Variants in PTCHD4 observed in about 807,000 individuals in gnomAD.
PTCHD4 encodes patched domain containing 4.
A neutral mutation model predicts 58.1 loss-of-function variants in PTCHD4; 33 were observed. That is an observed-to-expected ratio of 0.57 (90% CI 0.43 to 0.76). The LOEUF is 0.76. PTCHD4 is among the 30% of genes least tolerant of loss of function. The pLI is 0.00. For missense variants in PTCHD4, 1,058 were observed against 1,027.1 expected, an observed-to-expected ratio of 1.03 and a Z score of -0.41; for synonymous variants, 478 against 409.6, an observed-to-expected ratio of 1.17 and a Z score of -2.02.
At chr6:48,067,920 TC>T (rs1406439647) in intron 3 of PTCHD4, among the ~76,000 whole-genome samples, 1 of 152,168 alleles carries the variant, frequency 6.6e-6, no homozygotes, top group African/African-American at 2.4e-5. Context: ...CAGTTGCCCA[TC>T]TTTTCCCCCC....
intron 4 of PTCHD4, among the ~76,000 whole-genome samples, chr6:47,890,116 G>A (rs1318030890): frequency 6.6e-6 from 1 of 151,514 alleles, no homozygotes; most frequent in African/African-American, 2.4e-5. Context: ...ACACATATAT[G>A]CATATATAGT....
At position 47,949,862 on chromosome 6, in the gene PTCHD4, C is replaced by A. The variant is rs74736362; in HGVS notation, c.898+58772G>T. Among the ~76,000 whole-genome samples, 270 of 151,456 alleles carry A rather than the reference C, an allele frequency of 1.8e-3. 4 individuals are homozygous for A. In the East Asian group the frequency reaches 0.044, roughly 24 times the overall value. Reference sequence around the variant, plus strand: ...AGGTGCTAACTAATGCAGTAAGGAACTTGGATTGTTTTTTTTTTAATTTTA... The same window carrying A: ...AGGTGCTAACTAATGCAGTAAGGAAATTGGATTGTTTTTTTTTTAATTTTA... On this transcript the variant is annotated intron_variant, in intron 4 of 4. Coordinates refer to ENST00000339488, the MANE Select transcript of PTCHD4 (RefSeq NM_001384253.1).
intron 1 of PTCHD4, among the ~76,000 whole-genome samples, chr6:48,072,117 G>T (rs1247690958): frequency 6.6e-6 from 1 of 151,890 alleles, no homozygotes; most frequent in African/African-American, 2.4e-5. Flanking sequence ...TGTTTTTTTG[G>T]ACAGAAGTCA....
In PTCHD4 at chr6:48,042,491, T is replaced by C. The variant is rs184026371; in HGVS notation, c.417+25739A>G. Among the ~76,000 whole-genome samples, 571 of 152,012 alleles carry C rather than the reference T, an allele frequency of 3.8e-3. 3 individuals carry two copies. Among genetic ancestry groups the C allele is most frequent in the African/African-American group, 0.013 (556 of 41,526 alleles). On this transcript the variant is annotated intron_variant, in intron 3 of 4. Transcript: ENST00000339488. ...GCAAAATGCAATAGAAATATAAGCTTCAATTTATGTCTGGTGAAAATGTCC... is the reference window on the plus strand; with the variant it reads ...GCAAAATGCAATAGAAATATAAGCTCCAATTTATGTCTGGTGAAAATGTCC...
At chr6:48,048,018 T>TA (rs34442679) in intron 3 of PTCHD4, among the ~76,000 whole-genome samples, 2,246 of 127,676 alleles carry the variant, frequency 0.018, 22 homozygotes, top group South Asian at 0.04. Flanking sequence ...AGCATTCTAG[T>TA]AAAAAAAAAA....
chr6:48,008,880 T>A lies in PTCHD4; in HGVS notation c.652A>T (p.Ser218Cys), dbSNP rs201108737. The A allele has an allele frequency of 4.3e-5, 69 of 1,613,892 alleles. No homozygotes were observed. The highest frequency in any genetic ancestry group is 5.6e-5 in the Non-Finnish European group (66 of 1,179,912). Residue 218 changes from serine to cysteine, a missense_variant, in exon 4 of 5, where the codon AGC becomes TGC. Ser to Cys is a moderately radical substitution (Grantham distance 112). Coordinates refer to ENST00000339488, the MANE Select transcript of PTCHD4 (RefSeq NM_001384253.1). The part of the protein sequence containing the change: ...ELQLYSLASF[S>C]LWRDFHKTSI... ...GTCTTATGAAAGTCCCTCCAGAGGC[T>A]AAAGGATGCTAAAGAGTAGAGCTGG...
At chr6:47,961,757 C>G (rs1029499724) in intron 4 of PTCHD4, among the ~76,000 whole-genome samples, 2 of 152,036 alleles carry the variant, frequency 1.3e-5, no homozygotes, top group African/African-American at 4.8e-5. Context: ...AAAATGTGTG[C>G]CACTAAAAGA....
At position 47,879,158 on chromosome 6, in the gene PTCHD4, G is replaced by A. The variant is rs147985171; in HGVS notation, c.1677C>T (p.Asn559=). The A allele has an allele frequency of 1.7e-4, 273 of 1,611,896 alleles. 2 individuals are homozygous for A. In the African/African-American group the frequency reaches 2.2e-3, roughly 13 times the overall value. ...AGTCACTTTTGTTATTGGCACTGAC[G>A]TTGCTGACTTTCAGGAACTGGTAGT... is the stretch of plus-strand genomic sequence containing the variant. ...EQYYQFLKVS[N]VSANNKSDFI... is the part of the protein sequence containing the mutation. The change falls in exon 5 of 5, where the codon AAC becomes AAT. Residue 559 remains asparagine (N), a synonymous_variant. Coordinates refer to ENST00000339488, the MANE Select transcript of PTCHD4 (RefSeq NM_001384253.1).
intron 3 of PTCHD4, among the ~76,000 whole-genome samples, chr6:48,052,096 T>C (rs528153575): frequency 1.3e-5 from 2 of 152,166 alleles, no homozygotes; most frequent in East Asian, 3.9e-4. Flanking sequence ...TTGAGAATAG[T>C]ATTCATTGAA....
intron 4 of PTCHD4, among the ~76,000 whole-genome samples, chr6:47,911,736 T>A (rs1450684054): frequency 3.9e-5 from 6 of 152,076 alleles, no homozygotes; most frequent in Non-Finnish European, 8.8e-5. Flanking sequence ...ATCTACATTC[T>A]GATGTCAAGT....
intron 4 of PTCHD4, among the ~76,000 whole-genome samples, chr6:47,962,829 C>CA (rs200073541): frequency 0.044 from 4,954 of 113,068 alleles, 100 homozygotes; most frequent in Admixed American, 0.048. Context: ...TACAACTCAG[C>CA]AAAAAAAAAA....
Position 47,885,297 on chromosome 6 carries a change from C to T in PTCHD4, c.899-5361G>A, listed in dbSNP as rs190750454. On this transcript the variant is annotated intron_variant, in intron 4 of 4. Transcript: ENST00000339488. ...GTGTGTGTGTGTATTGAGTACTCCA[C>T]AAGTCTGATGGGATGCTGATGGGGA... 6.1e-3 allele frequency among the ~76,000 whole-genome samples: 934 copies of T among 152,072 alleles called. 12 individuals are homozygous for T. Among genetic ancestry groups the T allele is most frequent in the African/African-American group, 0.021 (883 of 41,478 alleles).
intron 4 of PTCHD4, among the ~76,000 whole-genome samples, chr6:47,924,860 A>G (rs1169733683): frequency 6.6e-6 from 1 of 151,744 alleles, no homozygotes; most frequent in Non-Finnish European, 1.5e-5. Context: ...CCTCTCCCCA[A>G]CCGCCTTATA....
intron 4 of PTCHD4, chr6:47,901,596 T>A (rs777890387): frequency 9.4e-7 from 1 of 1,059,148 alleles, no homozygotes; most frequent in Non-Finnish European, 1.1e-6. Flanking sequence ...TAGTTTCCCA[T>A]GAGAGGAGTC....
chr6:48,013,291 C>T (rs2114094532), intron 3 of PTCHD4, among the ~76,000 whole-genome samples: 1 of 151,864 alleles, frequency 6.6e-6, no homozygotes, highest in South Asian at 2.1e-4. Flanking sequence ...CCACTTTCTC[C>T]CTACATACTA....
At position 47,859,399 on chromosome 6, in the gene PTCHD4, G is replaced by A. The variant is rs1010784520; in HGVS notation, c.*18904C>T. On this transcript the variant is annotated 3_prime_UTR_variant, in exon 5 of 5. Transcript: ENST00000339488. The stretch of plus-strand genomic sequence containing the variant: ...GTAGATGTTAATATTACCTAGCAAA[G>A]AATTCATGGGCAAACAACTTTCAAA... Among the ~76,000 whole-genome samples, 4 of 151,926 alleles carry A rather than the reference G, an allele frequency of 2.6e-5. No homozygotes were observed. The East Asian group carries it at 7.8e-4, about 30-fold the overall frequency.
At chr6:48,007,956 A>ACACT (rs1762519122) in intron 4 of PTCHD4, among the ~76,000 whole-genome samples, 1 of 151,876 alleles carries the variant, frequency 6.6e-6, no homozygotes, top group Non-Finnish European at 1.5e-5. Flanking sequence ...ACACACACAC[A>ACACT]CACACACGCA....
chr6:47,940,422 T>A (rs1015877945), intron 4 of PTCHD4, among the ~76,000 whole-genome samples: 7 of 152,056 alleles, frequency 4.6e-5, no homozygotes, highest in Non-Finnish European at 8.8e-5. Context: ...AAAAATTATT[T>A]AAAAAAAGAG....
chr6:48,038,852 G>T (rs978930380), intron 3 of PTCHD4, among the ~76,000 whole-genome samples: 1 of 152,108 alleles, frequency 6.6e-6, no homozygotes, highest in Non-Finnish European at 1.5e-5. Context: ...ATTTATCAAA[G>T]AATTATAGAG....
Sources: allele counts gnomAD v4.1 joint callset (sites outside exome capture counted in the v4.1 genomes callset), GRCh38; gene constraint gnomAD v4.1.1; transcripts MANE v1.5; gene names NCBI Gene and HGNC (gene_info 2026-07-23, HGNC 2026-07-21).